The following PDE1A variants were observed in gnomAD, a reference collection of about 807,000 sequenced individuals.
PDE1A encodes phosphodiesterase 1A.
Under a neutral mutation model 61.7 loss-of-function variants are expected in PDE1A, and 35 were observed. The ratio of observed to expected loss-of-function variants is 0.57; its 90% CI spans 0.43 to 0.75. The LOEUF (loss-of-function observed/expected upper bound fraction) is 0.75, where lower values mean the gene tolerates loss of function less well. PDE1A is among the 30% of genes least tolerant of loss of function. The pLI is 0.00. For missense variants in PDE1A, 597 were observed against 630.6 expected (o/e 0.95, Z 0.57); for synonymous variants, 232 against 213.2 (o/e 1.09, Z -0.77).
intron 13 of PDE1A, among the ~76,000 whole-genome samples, chr2:182,182,044 G>C (rs1470884078): frequency 6.6e-6 from 1 of 152,088 alleles, no homozygotes; most frequent in Non-Finnish European, 1.5e-5. Flanking sequence ...TTGCAGTCAT[G>C]AACAATGCTG....
chr2:182,300,823 C>T (rs1574292258), intron 1 of PDE1A, among the ~76,000 whole-genome samples: 2 of 152,038 alleles, frequency 1.3e-5, no homozygotes, highest in East Asian at 1.9e-4. Context: ...TGTGTAATGG[C>T]CCATGAAATG....
At chr2:182,176,413 T>C (rs980788771) in intron 13 of PDE1A, among the ~76,000 whole-genome samples, 1 of 147,884 alleles carries the variant, frequency 6.8e-6, no homozygotes, top group Non-Finnish European at 1.5e-5. Context: ...CCCTTGTAAG[T>C]TGGATTCCTA....
intron 2 of PDE1A, among the ~76,000 whole-genome samples, chr2:182,470,973 T>A (rs1328010691): frequency 1.3e-5 from 2 of 151,870 alleles, no homozygotes; most frequent in Non-Finnish European, 2.9e-5. Flanking sequence ...GCTTAACTAC[T>A]GCATGTAGGT....
chr2:182,564,391 CT>C, the PDE1A span, among the ~76,000 whole-genome samples: 1 of 152,196 alleles, frequency 6.6e-6, no homozygotes, highest in Non-Finnish European at 1.5e-5. Flanking sequence ...CCCCCACTCT[CT>C]TCTGGCTTGT....
chr2:182,289,192 C>T (rs769035629), intron 1 of PDE1A, among the ~76,000 whole-genome samples: 5 of 152,130 alleles, frequency 3.3e-5, no homozygotes, highest in East Asian at 1.9e-4. Context: ...TTTTTCTGTT[C>T]GTTTAGATAT....
chr2:182,491,614 G>C (rs1025515501), intron 2 of PDE1A, among the ~76,000 whole-genome samples: 1 of 152,178 alleles, frequency 6.6e-6, no homozygotes, highest in Non-Finnish European at 1.5e-5. Flanking sequence ...CGAAATATGG[G>C]AAAGCTGTTT....
intron 13 of PDE1A, among the ~76,000 whole-genome samples, chr2:182,180,203 T>G (rs1014932112): frequency 1.3e-5 from 2 of 152,202 alleles, no homozygotes; most frequent in Non-Finnish European, 2.9e-5. Flanking sequence ...GTTTCATTTT[T>G]ATGCAATATT....
At chr2:182,498,532 T>G (rs1574804316) in intron 2 of PDE1A, among the ~76,000 whole-genome samples, 1 of 150,776 alleles carries the variant, frequency 6.6e-6, no homozygotes, top group East Asian at 2.0e-4. Context: ...GAAAAAAAAA[T>G]AAGAAAAAAA....
At chr2:182,321,018 T>C (rs1696660309) in intron 1 of PDE1A, among the ~76,000 whole-genome samples, 1 of 152,198 alleles carries the variant, frequency 6.6e-6, no homozygotes, top group Non-Finnish European at 1.5e-5. Flanking sequence ...TCTCATGCAA[T>C]AGGTTCTAAT....
At chr2:182,498,723 T>G (rs1284596985) in intron 2 of PDE1A, among the ~76,000 whole-genome samples, 1 of 151,928 alleles carries the variant, frequency 6.6e-6, no homozygotes, top group African/African-American at 2.4e-5. Context: ...GGCAGGCAGA[T>G]CATGAGGTTA....
the PDE1A span, among the ~76,000 whole-genome samples, chr2:182,692,591 C>T: frequency 6.6e-6 from 1 of 151,512 alleles, no homozygotes; most frequent in Admixed American, 6.6e-5. Context: ...ATGGGTGCAG[C>T]ACACCAACAT....
chr2:182,458,364 T>C (rs757713362), intron 2 of PDE1A, among the ~76,000 whole-genome samples: 1 of 152,118 alleles, frequency 6.6e-6, no homozygotes, highest in East Asian at 1.9e-4. Flanking sequence ...GGCACTGCCA[T>C]GTGCTTTTGA....
At chr2:182,274,460 T>C (rs888032139) in intron 1 of PDE1A, among the ~76,000 whole-genome samples, 15 of 152,092 alleles carry the variant, frequency 9.9e-5, no homozygotes, top group African/African-American at 3.6e-4. Context: ...GCAGATACTA[T>C]TGGAGAGCAT....
intron 1 of PDE1A, among the ~76,000 whole-genome samples, chr2:182,354,987 T>A (rs1184506478): frequency 1.3e-5 from 2 of 152,226 alleles, no homozygotes; most frequent in Non-Finnish European, 2.9e-5. Context: ...TAATTAGTGA[T>A]GACTATTATA....
At chr2:182,332,889 A>T (rs1653214907) in intron 1 of PDE1A, among the ~76,000 whole-genome samples, 1 of 142,140 alleles carries the variant, frequency 7.0e-6, no homozygotes, top group South Asian at 2.2e-4. Context: ...ATATTTACCA[A>T]GGAAATGGAA....
chr2:182,570,005 C>T, the PDE1A span, among the ~76,000 whole-genome samples: 3 of 152,198 alleles, frequency 2.0e-5, no homozygotes, highest in Non-Finnish European at 4.4e-5. Context: ...TTTGCTTCTG[C>T]ATCCTGTGCT....
intron 10 of PDE1A, among the ~76,000 whole-genome samples, chr2:182,198,602 AT>A (rs139845536): frequency 0.033 from 5,061 of 151,770 alleles, 137 homozygotes; most frequent in South Asian, 0.092. Flanking sequence ...TAATTAATAT[AT>A]TTTTTCCTTT....
At chr2:182,295,311 T>G (rs1345253616) in intron 1 of PDE1A, among the ~76,000 whole-genome samples, 1 of 151,950 alleles carries the variant, frequency 6.6e-6, no homozygotes, top group Non-Finnish European at 1.5e-5. Context: ...CCTGACCTCA[T>G]GATCCACCCG....
At chr2:182,401,740 C>G (rs1227066505) in intron 1 of PDE1A, among the ~76,000 whole-genome samples, 3 of 152,210 alleles carry the variant, frequency 2.0e-5, no homozygotes, top group African/African-American at 7.2e-5. Flanking sequence ...CAAATTGTCT[C>G]TGTTTGCAGA....
Sources: gnomAD v4.1 joint callset for allele counts (sites outside exome capture counted in the v4.1 genomes callset) on GRCh38, gnomAD v4.1.1 for gene constraint, MANE v1.5 for transcripts, NCBI Gene and HGNC (gene_info 2026-07-23, HGNC 2026-07-21) for gene names.